Variants in TMLHE observed in about 807,000 individuals in gnomAD.
TMLHE encodes the protein trimethyllysine hydroxylase, epsilon.
Under a neutral mutation model 25.7 loss-of-function variants are expected in TMLHE, and 18 were observed. The observed-to-expected ratio is 0.70, with a 90% confidence interval of 0.48 to 1.04. TMLHE has a LOEUF of 1.04. Ranked by LOEUF, TMLHE falls within the 50% of genes least tolerant of loss-of-function variation. The pLI, the probability that TMLHE is intolerant of heterozygous loss-of-function variation, is 0.00. For synonymous variants in TMLHE, 105 were observed against 97.0 expected (o/e 1.08, Z -0.49); for missense variants, 236 against 259.0 (o/e 0.91, Z 0.61).
rs1266664759 is a variant in TMLHE, at chrX:155,594,468, G to A, written c.-2+18324C>T. 1.0e-3 allele frequency among the ~76,000 whole-genome samples: 115 copies of A among 112,025 alleles called. 5 individuals carry two copies. Among genetic ancestry groups the A allele is most frequent in the Non-Finnish European group, 9.4e-5 (5 of 53,147 alleles). Reference sequence around the variant, plus strand: ...AGTTCATCACCACTAGGCCTGCCCTGCAGGAATTACTAAAGGGAGTTATTT... The same window carrying A: ...AGTTCATCACCACTAGGCCTGCCCTACAGGAATTACTAAAGGGAGTTATTT... On this transcript the variant is annotated intron_variant, in intron 1 of 7. Coordinates refer to ENST00000334398, the MANE Select transcript of TMLHE (RefSeq NM_018196.4).
In TMLHE at chrX:155,563,783, A is replaced by C. The variant is rs1355395177; in HGVS notation, c.-1-18506T>G. On this transcript the variant is annotated intron_variant, in intron 1 of 7. Transcript: ENST00000334398. ...GGATGAGACTACCAAAGGAATTGGT[A>C]TAGACAGAGAAAAGAAGATTAACAT... Among the ~76,000 whole-genome samples the C allele has an allele frequency of 3.2e-5, 2 of 61,854 alleles. 1 individual carries two copies. Among genetic ancestry groups the C allele is most frequent in the African/African-American group, 7.2e-5 (2 of 27,880 alleles). 53.7% of individuals were successfully genotyped at this position (61,854 alleles called of 115,157 possible).
rs782050273 is a variant in TMLHE at position 155,524,643 on chromosome X, G to T, written c.182-11C>A. 11 of 1,150,415 alleles carry T rather than the reference G, an allele frequency of 9.6e-6. No homozygotes were observed. The Admixed American group carries it at 1.3e-4, about 13-fold the overall frequency. The allele number at this position is 1,150,415 out of a possible 1,213,427, so 94.8% of individuals were successfully genotyped here. On this transcript the variant is annotated splice_polypyrimidine_tract_variant and intron_variant, in intron 2 of 7. Transcript: ENST00000334398. ...TAGCATATTTCAGCTCTAGGGAAAA[G>T]ATCACATTTATCAGAACTATTTATT... is the stretch of plus-strand genomic sequence containing the variant.
At chrX:155,554,012 TCATTC>T (rs2067432360) in intron 1 of TMLHE, among the ~76,000 whole-genome samples, 1 of 108,807 alleles carries the variant, frequency 9.2e-6, no homozygotes, top group Non-Finnish European at 1.9e-5. Flanking sequence ...ATTCATTCAT[TCATTC>T]ATTTATAGAT....
chrX:155,573,220 AC>A (rs2067567752), intron 1 of TMLHE, among the ~76,000 whole-genome samples: 1 of 58,413 alleles, frequency 1.7e-5, no homozygotes, highest in African/African-American at 4.1e-5. Flanking sequence ...CAGCCAACAG[AC>A]ACATGAAAAA....
intron 1 of TMLHE, among the ~76,000 whole-genome samples, chrX:155,585,287 A>C (rs781920705): frequency 1.8e-5 from 2 of 111,344 alleles, no homozygotes; most frequent in Non-Finnish European, 1.9e-5. Context: ...ATGCAAATGG[A>C]AACTAAAAGT....
intron 2 of TMLHE, among the ~76,000 whole-genome samples, chrX:155,534,818 TA>T (rs2067269105): frequency 9.0e-6 from 1 of 111,568 alleles, no homozygotes; most frequent in South Asian, 3.8e-4. Flanking sequence ...GGGTGGAATG[TA>T]ATAGACTGAA....
intron 1 of TMLHE, among the ~76,000 whole-genome samples, chrX:155,554,851 C>G (rs2067438307): frequency 9.1e-6 from 1 of 109,536 alleles, no homozygotes; most frequent in Non-Finnish European, 1.9e-5. Flanking sequence ...ATGCAGCAAT[C>G]CTTTGAAAGA....
chrX:155,606,643 A>G (rs1383201131), intron 1 of TMLHE, among the ~76,000 whole-genome samples: 1 of 110,391 alleles, frequency 9.1e-6, no homozygotes, highest in Non-Finnish European at 1.9e-5. Context: ...GCATTCAATG[A>G]TAAAAAAAAT....
chrX:155,552,517 T>C (rs1410647191), intron 1 of TMLHE, among the ~76,000 whole-genome samples: 2 of 110,080 alleles, frequency 1.8e-5, no homozygotes, highest in Non-Finnish European at 3.8e-5. Flanking sequence ...TTATTTACAA[T>C]ATCCAATTGT....
chrX:155,510,913 T>G (rs1173420702), intron 5 of TMLHE, among the ~76,000 whole-genome samples: 2 of 107,543 alleles, frequency 1.9e-5, no homozygotes, highest in Non-Finnish European at 3.9e-5. Context: ...CAGCACCTGT[T>G]GTTTCCTGAC....
At chrX:155,612,221 T>C (rs1443783419) in intron 1 of TMLHE, 1 of 111,962 alleles carries the variant, frequency 8.9e-6, no homozygotes, top group Admixed American at 9.4e-5. Context: ...GAAAGAAAAC[T>C]TCCTAGCCTA....
intron 3 of TMLHE, among the ~76,000 whole-genome samples, chrX:155,523,114 A>G (rs2067198456): frequency 8.9e-6 from 1 of 111,784 alleles, no homozygotes; most frequent in Non-Finnish European, 1.9e-5. Flanking sequence ...ATAATGTTGA[A>G]CATCTTTTCA....
intron 1 of TMLHE, among the ~76,000 whole-genome samples, chrX:155,591,706 G>A (rs2067694854): frequency 9.0e-6 from 1 of 111,681 alleles, no homozygotes; most frequent in Non-Finnish European, 1.9e-5. Flanking sequence ...AACAAGTGTG[G>A]TAAGGATGTG....
intron 1 of TMLHE, among the ~76,000 whole-genome samples, chrX:155,595,017 A>T (rs1557346384): frequency 8.9e-6 from 1 of 111,905 alleles, no homozygotes; most frequent in Admixed American, 9.5e-5. Context: ...AGGGTATGTC[A>T]CGAATGCATA....
intron 3 of TMLHE, among the ~76,000 whole-genome samples, chrX:155,523,555 C>T (rs1557336066): frequency 8.9e-6 from 1 of 111,754 alleles, no homozygotes; most frequent in African/African-American, 3.3e-5. Context: ...ACCAATACCA[C>T]ATTGTCTTGA....
At chrX:155,549,889 G>A (rs190484327) in intron 1 of TMLHE, among the ~76,000 whole-genome samples, 37 of 108,780 alleles carry the variant, frequency 3.4e-4, no homozygotes, top group Admixed American at 2.0e-3. Context: ...CCCACTCCCC[G>A]AGAGGCCCCA....
chrX:155,522,684 G>A (rs782488119), intron 3 of TMLHE, among the ~76,000 whole-genome samples: 1 of 111,884 alleles, frequency 8.9e-6, no homozygotes, highest in Admixed American at 9.5e-5. Flanking sequence ...ATGTAATTGA[G>A]GTTCTTCCAA....
At position 155,524,470 on chromosome X, in the gene TMLHE, G is replaced by C. The variant is rs1274148507; in HGVS notation, c.344C>G (p.Thr115Arg). The C allele has an allele frequency of 2.5e-6, 3 of 1,180,087 alleles. No homozygotes were observed. The East Asian group carries it at 9.1e-5, about 36-fold the overall frequency. The change falls in exon 3 of 8, where the codon ACA (threonine) becomes AGA (arginine). Residue 115 changes from threonine to arginine, a missense_variant. This residue lies in a region of TMLHE where 217 missense variants were observed against 214.6 expected (regional missense o/e 1.01). Coordinates refer to ENST00000334398, the MANE Select transcript of TMLHE (RefSeq NM_018196.4). ...TGTCCACTCACAAGTGAAAAAGAGT[G>C]TGGTCTCATCCAGACGAATGGTCTT... The part of the protein sequence containing the change: ...KPKTIRLDET[T>R]LFFTWPDGHV...
intron 1 of TMLHE, among the ~76,000 whole-genome samples, chrX:155,576,521 T>G: frequency 8.9e-6 from 1 of 111,783 alleles, no homozygotes; most frequent in Admixed American, 9.5e-5. Flanking sequence ...AAAATTCATA[T>G]GAAACCAAAA....
Sources: allele counts gnomAD v4.1 joint callset (sites outside exome capture counted in the v4.1 genomes callset), GRCh38; gene constraint gnomAD v4.1.1; regional missense constraint gnomAD v4.1.1; transcripts MANE v1.5; gene names NCBI Gene and HGNC (gene_info 2026-07-23, HGNC 2026-07-21).